MRTFB: variants seen among roughly 807,000 people sequenced by gnomAD.
MRTFB encodes myocardin-related transcription factor B.
In MRTFB, 29 loss-of-function variants were observed where a neutral mutation model predicts 104.2. The ratio of observed to expected loss-of-function variants is 0.28; its 90% CI spans 0.21 to 0.38. The LOEUF is 0.38. Among genes scored for constraint, MRTFB ranks in the 10% least tolerant of loss-of-function variants. The probability of loss-of-function intolerance (pLI) is 1.00; values close to 1 mark genes in which losing one functional copy is unlikely to be tolerated. For missense variants in MRTFB, 1,270 were observed against 1,341.6 expected, an observed-to-expected ratio of 0.95 and a Z score of 0.83; for synonymous variants, 535 against 519.5, an observed-to-expected ratio of 1.03 and a Z score of -0.41.
chr16:14,047,899 C>T, the MRTFB span, among the ~76,000 whole-genome samples: 1 of 152,190 alleles, frequency 6.6e-6, no homozygotes, highest in African/African-American at 2.4e-5. Flanking sequence ...CTAATCATGC[C>T]TTCCCAACCG....
chr16:14,106,829 C>G (rs1047488124), intron 2 of MRTFB, among the ~76,000 whole-genome samples: 9 of 152,118 alleles, frequency 5.9e-5, no homozygotes, highest in Admixed American at 5.9e-4. Flanking sequence ...ATACATCGCT[C>G]CTATCCCTAG....
intron 4 of MRTFB, 91 bp downstream of exon 4, chr16:14,210,399 G>A: frequency 1.1e-6 from 1 of 946,252 alleles, no homozygotes; most frequent in South Asian, 1.8e-5. Flanking sequence ...GCTTTCAGTT[G>A]TATCCATTTA....
chr16:14,194,648 A>G (rs2040343381), intron 3 of MRTFB, among the ~76,000 whole-genome samples: 1 of 151,932 alleles, frequency 6.6e-6, no homozygotes, highest in South Asian at 2.1e-4. Context: ...GTTAATTGGT[A>G]CAGTGGCCAA....
intron 3 of MRTFB, chr16:14,186,970 G>C: frequency 1.3e-6 from 2 of 1,598,142 alleles, no homozygotes; most frequent in Non-Finnish European, 1.7e-6. Flanking sequence ...TTAACTGCTG[G>C]GGATTTTGAA....
chr16:14,251,588 G>A (rs1226640481), intron 13 of MRTFB, among the ~76,000 whole-genome samples: 2 of 152,172 alleles, frequency 1.3e-5, no homozygotes, highest in East Asian at 3.9e-4. Context: ...TGGCCTGTGG[G>A]CCAAATCTAA....
chr16:14,204,075 A>T (rs904411455), intron 3 of MRTFB, among the ~76,000 whole-genome samples: 1 of 151,840 alleles, frequency 6.6e-6, no homozygotes, highest in Non-Finnish European at 1.5e-5. Context: ...TGATCCTCCT[A>T]CCTCAGAGCC....
chr16:14,050,399 T>C, the MRTFB span, among the ~76,000 whole-genome samples: 3 of 152,182 alleles, frequency 2.0e-5, no homozygotes, highest in Admixed American at 6.5e-5. Flanking sequence ...GGTCTCACTC[T>C]GTCACCTGGG....
the MRTFB span, among the ~76,000 whole-genome samples, chr16:14,045,212 C>T: frequency 6.6e-6 from 1 of 152,186 alleles, no homozygotes; most frequent in African/African-American, 2.4e-5. Context: ...TGAGCCCTCC[C>T]TCTGCCTAAC....
At chr16:14,253,023 C>A (rs1314638981) in intron 15 of MRTFB, among the ~76,000 whole-genome samples, 2 of 152,178 alleles carry the variant, frequency 1.3e-5, no homozygotes, top group African/African-American at 2.4e-5. Context: ...TTGGAGGTAA[C>A]AGATCTGAGG....
chr16:14,060,162 A>G, the MRTFB span, among the ~76,000 whole-genome samples: 9 of 151,908 alleles, frequency 5.9e-5, no homozygotes, highest in African/African-American at 9.7e-5. Flanking sequence ...GCCCGCCACC[A>G]TGCCCAGCTA....
At chr16:14,081,004 T>C (rs1174770195) in intron 2 of MRTFB, among the ~76,000 whole-genome samples, 1 of 152,220 alleles carries the variant, frequency 6.6e-6, no homozygotes, top group East Asian at 1.9e-4. Context: ...TTCATTTCCT[T>C]TGCATAAATA....
rs745514553 is a variant in MRTFB, at chr16:14,264,271, G to C, written c.*2827G>C. 1.3e-5 allele frequency: 2 copies of C among 152,170 alleles called. No homozygotes were observed. The highest frequency in any genetic ancestry group is 2.9e-5 in the Non-Finnish European group (2 of 68,032). 9.4% of individuals were successfully genotyped at this position (152,170 alleles called of 1,614,324 possible). ...ACATCCCCATCTTACTTTCCTACAT[G>C]TTCTCAAAACACAGTAGTACCAGCC... On this transcript the variant is annotated 3_prime_UTR_variant, in exon 17 of 17. Transcript: ENST00000571589.
At chr16:14,068,067 G>C (rs754674894), upstream of MRTFB, among the ~76,000 whole-genome samples, 121 of 151,986 alleles carry the variant, frequency 8.0e-4, no homozygotes, top group Non-Finnish European at 1.5e-3. Context: ...TCTGTCCCCA[G>C]GTGATCCTCT....
the MRTFB span, among the ~76,000 whole-genome samples, chr16:14,060,208 T>C: frequency 6.6e-6 from 1 of 151,924 alleles, no homozygotes; most frequent in Non-Finnish European, 1.5e-5. Flanking sequence ...GATTTCACCA[T>C]GTTGGCCAGG....
chr16:14,259,095 C>T (rs1012266966), intron 16 of MRTFB, among the ~76,000 whole-genome samples: 1 of 152,178 alleles, frequency 6.6e-6, no homozygotes, highest in African/African-American at 2.4e-5. Context: ...CAGATCTACA[C>T]ACACAAATAG....
intron 2 of MRTFB, among the ~76,000 whole-genome samples, chr16:14,113,113 G>A (rs1053880415): frequency 2.0e-5 from 3 of 151,982 alleles, no homozygotes; most frequent in Non-Finnish European, 4.4e-5. Flanking sequence ...GCGTGATCTC[G>A]GCTCACTGCA....
chr16:14,033,835 CAAAAAAAAA>C, the MRTFB span, among the ~76,000 whole-genome samples: 1 of 90,498 alleles, frequency 1.1e-5, no homozygotes, highest in Admixed American at 1.1e-4. Context: ...GACTCAGTCT[CAAAAAAAAA>C]AAAAAAAAAA....
intron 3 of MRTFB, chr16:14,195,415 CAT>C (rs1491033045): frequency 1.3e-5 from 8 of 614,844 alleles, no homozygotes; most frequent in Non-Finnish European, 1.2e-5. Context: ...GCACATTGCA[CAT>C]GTGTGTGTAT....
At chr16:14,014,377 T>A in the MRTFB span, among the ~76,000 whole-genome samples, 1 of 151,810 alleles carries the variant, frequency 6.6e-6, no homozygotes, top group Non-Finnish European at 1.5e-5. Flanking sequence ...TGAGACCTTG[T>A]CTCTACAAAT....
Sources: allele counts gnomAD v4.1 joint callset (sites outside exome capture counted in the v4.1 genomes callset), GRCh38; gene constraint gnomAD v4.1.1; transcripts MANE v1.5; gene names NCBI Gene and HGNC (gene_info 2026-07-23, HGNC 2026-07-21).